SPDYE21: variants seen among roughly 807,000 people sequenced by gnomAD.
The protein encoded by SPDYE21 is speedy protein E21.
SPDYE21 carries 14 observed loss-of-function variants against 36.2 expected under a neutral mutation model. The ratio of observed to expected loss-of-function variants is 0.39; its 90% CI spans 0.26 to 0.61. SPDYE21 has a LOEUF of 0.61. Ranked by LOEUF, SPDYE21 falls within the 20% of genes least tolerant of loss-of-function variation. SPDYE21 has a pLI of 0.55. For synonymous variants in SPDYE21, 58 were observed against 155.1 expected, an observed-to-expected ratio of 0.37 and a Z score of 4.65; for missense variants, 233 against 424.6, an observed-to-expected ratio of 0.55 and a Z score of 3.97.
At chr7:67,285,972 C>T in intron 6 of SPDYE21, 72 bp from the exon 7 acceptor site, 1 of 1,610,974 alleles carries the variant, frequency 6.2e-7, no homozygotes, top group Non-Finnish European at 8.5e-7. Flanking sequence ...ACCTTCCTCT[C>T]TGGGAAGCTG....
At position 67,276,988 on chromosome 7, in the gene SPDYE21, G is replaced by GTGCCTT. The variant is rs1802552034; in HGVS notation, c.-495_-490dup. Among the ~76,000 whole-genome samples the GTGCCTT allele has an allele frequency of 6.6e-6, 1 of 152,146 alleles. No homozygotes were observed. The highest frequency in any genetic ancestry group is 2.1e-4 in the South Asian group (1 of 4,828). On this transcript the variant is annotated 5_prime_UTR_variant, in exon 1 of 9. Coordinates refer to ENST00000424157, the MANE Select transcript of SPDYE21 (RefSeq NM_001382715.2). ...TGGGATCGGCTTCCTCTTTCAGTGT[G>GTGCCTT]TGCCTTTTCTATGAGCGAGAGACTC...
chr7:67,281,110 A>C (rs1376508811), intron 3 of SPDYE21, among the ~76,000 whole-genome samples: 65 of 143,604 alleles, frequency 4.5e-4, no homozygotes, highest in African/African-American at 1.5e-3. Context: ...AAAAAAAAAA[A>C]AAAAAAAAAA....
intron 3 of SPDYE21, among the ~76,000 whole-genome samples, chr7:67,280,670 TGA>T (rs1385983646): frequency 6.0e-5 from 6 of 100,610 alleles, no homozygotes; most frequent in Non-Finnish European, 1.1e-4. Flanking sequence ...CCATTCTGGG[TGA>T]GAGAGTGAGA....
intron 3 of SPDYE21, among the ~76,000 whole-genome samples, chr7:67,281,072 A>G (rs1285006298): frequency 1.6e-5 from 2 of 127,126 alleles, no homozygotes; most frequent in African/African-American, 5.8e-5. Flanking sequence ...ACAAAGCAAG[A>G]CTGTTTCGCA....
intron 2 of SPDYE21, among the ~76,000 whole-genome samples, chr7:67,279,246 G>C (rs1337849684): frequency 6.8e-6 from 1 of 147,056 alleles, no homozygotes; most frequent in Non-Finnish European, 1.5e-5. Flanking sequence ...CCTGAGGAGG[G>C]TGTGTGGGAA....
rs1213413299 is a variant in SPDYE21 at position 67,288,098 on chromosome 7, T to G, written c.*626T>G. Among the ~76,000 whole-genome samples, 3 of 151,894 alleles carry G rather than the reference T, an allele frequency of 2.0e-5. No homozygotes were observed. Among genetic ancestry groups the G allele is most frequent in the Middle Eastern group, 3.2e-3 (1 of 316 alleles). ...TTTGATGAGAGTTATAGTTGTTATA[T>G]ATACATAAAGATAATTTTCTTTTCA... is the stretch of plus-strand genomic sequence containing the variant. On this transcript the variant is annotated 3_prime_UTR_variant, in exon 9 of 9. Coordinates refer to ENST00000424157, the MANE Select transcript of SPDYE21 (RefSeq NM_001382715.2).
chr7:67,278,365 C>G lies in SPDYE21; in HGVS notation c.-349C>G, dbSNP rs1053019091. Among the ~76,000 whole-genome samples, 2 of 136,320 alleles carry G rather than the reference C, an allele frequency of 1.5e-5. No individual in the cohort carries two copies. Among genetic ancestry groups the G allele is most frequent in the East Asian group, 2.0e-4 (1 of 4,944 alleles). The allele number at this position is 136,320 out of a possible 152,430, so 89.4% of individuals were successfully genotyped here. Reference sequence around the variant, plus strand: ...CTTCAGGCTTTGAGTGGAGAGGACACAGCCTCTGCTGGGACAGGGAACAGA... The same window carrying G: ...CTTCAGGCTTTGAGTGGAGAGGACAGAGCCTCTGCTGGGACAGGGAACAGA... On this transcript the variant is annotated 5_prime_UTR_variant, in exon 2 of 9. Coordinates refer to ENST00000424157, the MANE Select transcript of SPDYE21 (RefSeq NM_001382715.2).
intron 1 of SPDYE21, among the ~76,000 whole-genome samples, chr7:67,277,425 AT>A (rs1276190580): frequency 6.6e-6 from 1 of 151,704 alleles, no homozygotes; most frequent in Admixed American, 6.6e-5. Flanking sequence ...TATCAAAAAA[AT>A]TTTTTTTGAC....
rs922840493 is a variant in SPDYE21 at position 67,278,709 on chromosome 7, A to C, written c.-5A>C. On this transcript the variant is annotated 5_prime_UTR_variant, in exon 2 of 9. Transcript: ENST00000424157. ...CTGGATCCTAGCAGTGTCCAGAAGA[A>C]GGCCATGGACAGAACGGAGACTAGG... Among the ~76,000 whole-genome samples, 1 of 149,518 alleles carries C rather than the reference A, an allele frequency of 6.7e-6. No individual in the cohort carries two copies. Among genetic ancestry groups the C allele is most frequent in the African/African-American group, 2.5e-5 (1 of 40,548 alleles).
intron 6 of SPDYE21, among the ~76,000 whole-genome samples, 176 bp downstream of exon 6, chr7:67,284,174 C>A (rs1802687987): frequency 6.7e-6 from 1 of 149,110 alleles, no homozygotes. Flanking sequence ...TCAGGCTGGG[C>A]ACAGTGGCAT....
chr7:67,278,224 CTCTT>C (rs1802571895), intron 1 of SPDYE21, among the ~76,000 whole-genome samples, 64 bp from the exon 2 acceptor site: 1 of 116,054 alleles, frequency 8.6e-6, no homozygotes, highest in Non-Finnish European at 1.8e-5. Flanking sequence ...GATAATCTCA[CTCTT>C]ATAAGGTTTC....
In SPDYE21 at chr7:67,279,983, A is replaced by C; in HGVS notation, c.326A>C (p.Gln109Pro). 1 of 1,578,800 alleles carries C rather than the reference A, an allele frequency of 6.3e-7. No homozygotes were observed. Among genetic ancestry groups the C allele is most frequent in the East Asian group, 2.3e-5 (1 of 43,618 alleles). The change falls in exon 3 of 9, where the codon CAG (glutamine) becomes CCG (proline). Residue 109 changes from glutamine (Q) to proline (P), a missense_variant. By Grantham distance (76) the Gln-to-Pro change is moderately conservative. Around this residue, in one of 4 missense-constraint regions of SPDYE21, gnomAD observed 68 missense variants for 87.6 expected, o/e 0.78. Transcript: ENST00000424157. Reference sequence around the variant, plus strand: ...GGGCTTAAGATGAAGCTGAAGCAACAGCGAGTGTCACCCATCCTCCCTGAG... The same window carrying C: ...GGGCTTAAGATGAAGCTGAAGCAACCGCGAGTGTCACCCATCCTCCCTGAG... ...LCGLKMKLKQ[Q>P]RVSPILPEHH...
rs1226590780 is a variant in SPDYE21 at position 67,285,836 on chromosome 7, G to GT, written c.756-203dup. On this transcript the variant is annotated intron_variant, in intron 6 of 8. Coordinates refer to ENST00000424157, the MANE Select transcript of SPDYE21 (RefSeq NM_001382715.2). Reference sequence around the variant, plus strand: ...GCCACCACTCTCGGCCACCAGTTGGGTTTTTGTCTCCATCCTGAAGGAGTG... The same window carrying GT: ...GCCACCACTCTCGGCCACCAGTTGGGTTTTTTGTCTCCATCCTGAAGGAGTG... 2.0e-5 allele frequency among the ~76,000 whole-genome samples: 3 copies of GT among 152,054 alleles called. No homozygotes were observed. In the East Asian group the frequency reaches 5.8e-4, roughly 30 times the overall value.
intron 6 of SPDYE21, among the ~76,000 whole-genome samples, chr7:67,285,353 C>A (rs1802711581): frequency 6.6e-6 from 1 of 151,776 alleles, no homozygotes; most frequent in Non-Finnish European, 1.5e-5. Flanking sequence ...TTAGCTCCGA[C>A]TACAGGGCTG....
rs1423497565 is a variant in SPDYE21, at chr7:67,279,828, A to G, written c.171A>G (p.Val57=). Residue 57 remains valine (V), a synonymous_variant, in exon 3 of 9, where the codon GTA becomes GTG. Transcript: ENST00000424157. ...DEVLGPSAPG[V]DPSPPCRSLG... ...GGTTTCTTTACTCAGCCCCTGGGGT[A>G]GATCCCAGCCCCCCATGTAGGTCCC... 2 of 1,594,292 alleles carry G rather than the reference A, an allele frequency of 1.3e-6. No individual in the cohort carries two copies. The highest frequency in any genetic ancestry group is 2.7e-5 in the African/African-American group (2 of 74,326).
chr7:67,286,386 C>T lies in SPDYE21; in HGVS notation c.1098C>T (p.Phe366=), dbSNP rs745875619. 3.9e-5 allele frequency among the ~76,000 whole-genome samples: 6 copies of T among 152,112 alleles called. No individual in the cohort carries two copies. The highest frequency in any genetic ancestry group is 8.8e-5 in the Non-Finnish European group (6 of 68,038). Residue 366 remains phenylalanine, a synonymous_variant, in exon 7 of 9, where the codon TTC becomes TTT. Coordinates refer to ENST00000424157, the MANE Select transcript of SPDYE21 (RefSeq NM_001382715.2). ...TGTTCCAGAAACTTCGGTTCCAGTT[C>T]TTCTGTTCCATGAGCGGCAGGGCTT... ...IVLFQKLRFQ[F]FCSMSGRAWV... is the part of the protein sequence containing the mutation.
chr7:67,287,400 G>A (rs891400644), intron 8 of SPDYE21, among the ~76,000 whole-genome samples, 118 bp from the exon 9 acceptor site: 1 of 152,182 alleles, frequency 6.6e-6, no homozygotes, highest in Non-Finnish European at 1.5e-5. Flanking sequence ...ATGAAAGGCA[G>A]CAGATAAAAT....
At position 67,286,678 on chromosome 7, in the gene SPDYE21, C is replaced by T. The variant is rs1319837919; in HGVS notation, c.*45+14C>T. On this transcript the variant is annotated intron_variant, in intron 8 of 8. Transcript: ENST00000424157. ...GCCTGAGAGAAGGTACATCTGCATC[C>T]TCCGGGGTAAAGGCAGAATATTGGG... Among the ~76,000 whole-genome samples, 1 of 152,040 alleles carries T rather than the reference C, an allele frequency of 6.6e-6. No homozygotes were observed. Among genetic ancestry groups the T allele is most frequent in the African/African-American group, 2.4e-5 (1 of 41,410 alleles).
At chr7:67,279,137 T>C (rs1160693377) in intron 2 of SPDYE21, among the ~76,000 whole-genome samples, 1 of 145,020 alleles carries the variant, frequency 6.9e-6, no homozygotes, top group African/African-American at 2.6e-5. Context: ...CACTTGAGAC[T>C]GGGAGGAAGA....
Sources: allele counts gnomAD v4.1 joint callset (sites outside exome capture counted in the v4.1 genomes callset), GRCh38; gene constraint gnomAD v4.1.1; regional missense constraint gnomAD v4.1.1; transcripts MANE v1.5; gene names NCBI Gene and HGNC (gene_info 2026-07-23, HGNC 2026-07-21).